POGLUT2: variants seen among roughly 807,000 people sequenced by gnomAD.
POGLUT2 encodes ER protein 58.
In POGLUT2, 47 loss-of-function variants were observed where a neutral mutation model predicts 57.6. That is an observed-to-expected ratio of 0.82 (90% CI 0.65 to 1.04). The LOEUF (loss-of-function observed/expected upper bound fraction) is 1.04. Among genes scored for constraint, POGLUT2 ranks in the 50% least tolerant of loss-of-function variants. The probability of loss-of-function intolerance (pLI) is 0.00; values close to 1 mark genes in which losing one functional copy is unlikely to be tolerated. For synonymous variants in POGLUT2, 200 were observed against 218.8 expected (o/e 0.91, Z 0.76); for missense variants, 565 against 614.8 (o/e 0.92, Z 0.86).
intron 1 of POGLUT2, among the ~76,000 whole-genome samples, chr13:102,798,283 G>T (rs755595527): frequency 6.6e-6 from 1 of 152,118 alleles, no homozygotes; most frequent in Admixed American, 6.5e-5. Flanking sequence ...ATTGCTAGGA[G>T]ATTATTTTAT....
intron 2 of POGLUT2, among the ~76,000 whole-genome samples, chr13:102,794,029 G>A (rs1878283324): frequency 6.6e-6 from 1 of 151,986 alleles, no homozygotes; most frequent in Non-Finnish European, 1.5e-5. Flanking sequence ...CCTGAGCCCA[G>A]GAGTTCGGGA....
intron 2 of POGLUT2, 107 bp downstream of exon 2, chr13:102,796,697 A>T (rs796759385): frequency 0.052 from 7,249 of 138,816 alleles, 203 homozygotes; most frequent in African/African-American, 0.1. Context: ...AAAAAAAAAA[A>T]AAATATATAT....
intron 2 of POGLUT2, 114 bp from the exon 3 acceptor site, chr13:102,793,920 G>A: frequency 1.1e-6 from 1 of 877,316 alleles, no homozygotes. Context: ...CATAGGAAGA[G>A]CATTTTCATT....
rs144198490 is a variant in POGLUT2, at chr13:102,789,629, G to C, written c.1084-408C>G. ...TGTATTTATTTTGAGACAGAGTCTT[G>C]CTCTGTCACTCAGGCTGGAGTGTAG... On this transcript the variant is annotated intron_variant, in intron 6 of 9. Transcript: ENST00000376004. Among the ~76,000 whole-genome samples, 102 of 152,280 alleles carry C rather than the reference G, an allele frequency of 6.7e-4. 2 individuals carry two copies. Among genetic ancestry groups the C allele is most frequent in the African/African-American group, 2.1e-3 (88 of 41,566 alleles).
chr13:102,791,351 T>G lies in POGLUT2; in HGVS notation c.752A>C (p.His251Pro). The change falls in exon 5 of 10, where the codon CAT (histidine) becomes CCT (proline). Residue 251 changes from histidine (H) to proline (P), a missense_variant. His to Pro is a moderately conservative substitution (Grantham distance 77). Coordinates refer to ENST00000376004, the MANE Select transcript of POGLUT2 (RefSeq NM_024089.3). ...GGAGCCACACCAGGAAAAGATCGGATGGATGTTTGAATTGGATTTCTTTTT... is the reference window on the plus strand; with the variant it reads ...GGAGCCACACCAGGAAAAGATCGGAGGGATGTTTGAATTGGATTTCTTTTT... The part of the protein sequence containing the change: ...LEKKKSNSNI[H>P]PIFSWCGSTD... 1 of 1,612,994 alleles carries G rather than the reference T, an allele frequency of 6.2e-7. No homozygotes were observed.
At chr13:102,798,405 C>T in intron 1 of POGLUT2, 84 bp downstream of exon 1, 1 of 1,296,284 alleles carries the variant, frequency 7.7e-7, no homozygotes, top group South Asian at 1.5e-5. Context: ...TGTGGAGAAA[C>T]GAGTTCTTGG....
chr13:102,788,043 GGGT>G, intron 7 of POGLUT2, 120 bp from the exon 8 acceptor site: 1 of 556,536 alleles, frequency 1.8e-6, no homozygotes, highest in East Asian at 2.7e-5. Context: ...ATATCTTTGG[GGGT>G]AGTCTCATGG....
chr13:102,785,035 T>C (rs1342238888), intron 9 of POGLUT2, among the ~76,000 whole-genome samples: 1 of 152,204 alleles, frequency 6.6e-6, no homozygotes, highest in African/African-American at 2.4e-5. Context: ...TTTAACTGAT[T>C]TTTATGGCCT....
At chr13:102,788,585 C>G (rs1348123401) in intron 7 of POGLUT2, among the ~76,000 whole-genome samples, 1 of 152,216 alleles carries the variant, frequency 6.6e-6, no homozygotes, top group Non-Finnish European at 1.5e-5. Context: ...CTCCCAGGTT[C>G]AAGTGATTCT....
intron 7 of POGLUT2, among the ~76,000 whole-genome samples, chr13:102,788,748 A>C (rs7322185): frequency 0.25 from 37,999 of 152,070 alleles, 5,543 homozygotes; most frequent in East Asian, 0.42. Flanking sequence ...AGCCTTCCAA[A>C]GTGCTGGGAT....
At chr13:102,795,113 G>A (rs1878324350) in intron 2 of POGLUT2, among the ~76,000 whole-genome samples, 2 of 151,636 alleles carry the variant, frequency 1.3e-5, no homozygotes, top group Admixed American at 1.3e-4. Context: ...TTAGCCAGGT[G>A]TTGTGGCGCG....
At position 102,794,928 on chromosome 13, in the gene POGLUT2, ATTC is replaced by A. The variant is rs1453161674; in HGVS notation, c.389-1125_389-1123del. ...CAGCAAAAATAAACAAGGAACTGCT[ATTC>A]TTTTTTTTTTTTTTTTTAAGAATTA... is the stretch of plus-strand genomic sequence containing the variant. On this transcript the variant is annotated intron_variant, in intron 2 of 9. Transcript: ENST00000376004. 5.4e-3 allele frequency among the ~76,000 whole-genome samples: 730 copies of A among 135,748 alleles called. 8 individuals are homozygous for A. The highest frequency in any genetic ancestry group is 0.021 in the African/African-American group (664 of 31,128). The allele number at this position is 135,748 out of a possible 152,430, so 89.1% of individuals were successfully genotyped here.
chr13:102,789,018 A>C lies in POGLUT2; in HGVS notation c.1287T>G (p.Asp429Glu). The part of the protein sequence containing the change: ...LEKLKWAKDH[D>E]EEAKKIAKAG... Reference sequence around the variant, plus strand: ...TCAAGGGGACTAACCTTACCTCTTCATCGTGATCTTTCGCCCATTTAAGTT... The same window carrying C: ...TCAAGGGGACTAACCTTACCTCTTCCTCGTGATCTTTCGCCCATTTAAGTT... Residue 429 changes from aspartate (D) to glutamate (E), a missense_variant, in exon 7 of 10, where the codon GAT becomes GAG. Coordinates refer to ENST00000376004, the MANE Select transcript of POGLUT2 (RefSeq NM_024089.3). The C allele has an allele frequency of 6.2e-7, 1 of 1,613,326 alleles. No homozygotes were observed. Among genetic ancestry groups the C allele is most frequent in the Non-Finnish European group, 8.5e-7 (1 of 1,179,546 alleles).
Position 102,798,640 on chromosome 13 carries a change from A to G in POGLUT2, c.31T>C (p.Phe11Leu). Residue 11 changes from phenylalanine to leucine, a missense_variant, in exon 1 of 10, where the codon TTT becomes CTT. By Grantham distance (22) the Phe-to-Leu change is conservative. Coordinates refer to ENST00000376004, the MANE Select transcript of POGLUT2 (RefSeq NM_024089.3). ...GCGAGTGCTGGAACTGTCGCCAGAA[A>G]GAAGCAATAAAGTAGCAAAGTGCCA... is the stretch of plus-strand genomic sequence containing the variant. MFGTLLLYCF[F>L]LATVPALAET... 6.2e-7 allele frequency: 1 copy of G among 1,607,482 alleles called. No individual in the cohort carries two copies. The highest frequency in any genetic ancestry group is 8.5e-7 in the Non-Finnish European group (1 of 1,177,614).
At chr13:102,787,025 C>A (rs1388795572) in intron 8 of POGLUT2, among the ~76,000 whole-genome samples, 3 of 151,780 alleles carry the variant, frequency 2.0e-5, no homozygotes, top group Non-Finnish European at 4.4e-5. Context: ...TTGTTTACTA[C>A]CTGATTTTGT....
At chr13:102,786,854 C>T (rs946675195) in intron 8 of POGLUT2, among the ~76,000 whole-genome samples, 3 of 152,144 alleles carry the variant, frequency 2.0e-5, no homozygotes, top group African/African-American at 7.2e-5. Flanking sequence ...TTGTCCTCTG[C>T]TTCCCTCTAT....
In POGLUT2 at chr13:102,790,193, C is replaced by A. The variant is rs533480353; in HGVS notation, c.1083+708G>T. 1.1e-4 allele frequency among the ~76,000 whole-genome samples: 16 copies of A among 152,338 alleles called. No homozygotes were observed. The East Asian group carries it at 3.1e-3, about 29-fold the overall frequency. ...CATTGAACAAGGTTAACATTTAGGT[C>A]AACCTGCCTCAACAAAACCCATCAA... On this transcript the variant is annotated intron_variant, in intron 6 of 9. Coordinates refer to ENST00000376004, the MANE Select transcript of POGLUT2 (RefSeq NM_024089.3).
At chr13:102,792,083 G>A (rs565078305) in intron 4 of POGLUT2, 93 of 1,284,954 alleles carry the variant, frequency 7.2e-5, no homozygotes, top group Non-Finnish European at 8.2e-5. Context: ...GAAGTATGAC[G>A]GTACTCTGAT....
intron 4 of POGLUT2, among the ~76,000 whole-genome samples, chr13:102,792,740 C>T (rs1338196117): frequency 6.6e-6 from 1 of 152,010 alleles, no homozygotes; most frequent in African/African-American, 2.4e-5. Flanking sequence ...CAGGAAGAGG[C>T]AGGAAAGGAA....
Sources: allele counts gnomAD v4.1 joint callset (sites outside exome capture counted in the v4.1 genomes callset), GRCh38; gene constraint gnomAD v4.1.1; transcripts MANE v1.5; gene names NCBI Gene and HGNC (gene_info 2026-07-23, HGNC 2026-07-21).